TBC1D21: variants seen among roughly 807,000 people sequenced by gnomAD.
TBC1D21 encodes male germ cell Rab GTPase-activating protein.
A neutral mutation model predicts 46.0 loss-of-function variants in TBC1D21; 38 were observed. That is an observed-to-expected ratio of 0.83 (90% CI 0.64 to 1.08). The LOEUF (loss-of-function observed/expected upper bound fraction) is 1.08. TBC1D21 is among the 50% of genes least tolerant of loss of function. TBC1D21 has a pLI of 0.00. For missense variants in TBC1D21, 415 were observed against 417.9 expected, an observed-to-expected ratio of 0.99 and a Z score of 0.06; for synonymous variants, 151 against 157.2, an observed-to-expected ratio of 0.96 and a Z score of 0.29.
chr15:73,886,630 G>A lies in TBC1D21; in HGVS notation c.777+18G>A, dbSNP rs2141579274. 1.2e-6 allele frequency: 2 copies of A among 1,607,810 alleles called. No individual in the cohort carries two copies. Among genetic ancestry groups the A allele is most frequent in the Non-Finnish European group, 1.7e-6 (2 of 1,175,360 alleles). ...TCTGGGAGGTGAGGTGTCCAGCTAG[G>A]GATCATCAGGCTGGGCTCCACCCAT... On this transcript the variant is annotated intron_variant, in intron 8 of 10. Coordinates refer to ENST00000300504, the MANE Select transcript of TBC1D21 (RefSeq NM_153356.3).
intron 1 of TBC1D21, among the ~76,000 whole-genome samples, chr15:73,878,233 A>G (rs945145256): frequency 1.3e-5 from 2 of 152,352 alleles, no homozygotes; most frequent in African/African-American, 4.8e-5. Context: ...TCTCTGTTGC[A>G]ACTACTCAAC....
At chr15:73,895,810 C>T in the TBC1D21 span, among the ~76,000 whole-genome samples, 3 of 152,126 alleles carry the variant, frequency 2.0e-5, no homozygotes, top group Non-Finnish European at 4.4e-5. Flanking sequence ...AGGGATTGTT[C>T]GGACACCTGG....
chr15:73,907,157 T>A, the TBC1D21 span, among the ~76,000 whole-genome samples: 149 of 151,666 alleles, frequency 9.8e-4, 1 homozygote, highest in African/African-American at 3.3e-3. Flanking sequence ...CCTCTTTTTT[T>A]CCCCCAGTCT....
rs749244661 is a variant in TBC1D21, at chr15:73,887,656, G to C, written c.814G>C (p.Val272Leu). 2.0e-5 allele frequency: 32 copies of C among 1,613,982 alleles called. No individual in the cohort carries two copies. Among genetic ancestry groups the C allele is most frequent in the Admixed American group, 1.0e-4 (6 of 59,998 alleles). ...LTGKPCRNFQ[V>L]LVAYSMLQMV... ...GGGGAAGCCCTGCAGGAACTTCCAG[G>C]TGCTGGTGGCCTACAGCATGCTGCA... Residue 272 changes from valine to leucine, a missense_variant, in exon 9 of 11, where the codon GTG (valine) becomes CTG (leucine). Val to Leu is a conservative substitution (Grantham distance 32). Coordinates refer to ENST00000300504, the MANE Select transcript of TBC1D21 (RefSeq NM_153356.3).
chr15:73,889,079 C>T lies in TBC1D21; in HGVS notation c.989C>T (p.Thr330Ile). The change falls in exon 11 of 11, where the codon ACA becomes ATA. Residue 330 changes from threonine to isoleucine, a missense_variant. Thr to Ile is a moderately conservative substitution (Grantham distance 89). Transcript: ENST00000300504. ...AELIQKDVPQTLKDFFL is the reference protein window; with the variant it reads ...AELIQKDVPQILKDFFL ...CTGCCTCCTCCCTAGGTTCCTCAGA[C>T]ATTAAAGGATTTCTTCCTCTGAGGA... The T allele has an allele frequency of 6.2e-7, 1 of 1,613,442 alleles. No individual in the cohort carries two copies. Among genetic ancestry groups the T allele is most frequent in the South Asian group, 1.1e-5 (1 of 90,750 alleles).
At chr15:73,895,530 G>A in the TBC1D21 span, among the ~76,000 whole-genome samples, 2 of 152,216 alleles carry the variant, frequency 1.3e-5, no homozygotes, top group African/African-American at 4.8e-5. Context: ...TAGGGAGTTA[G>A]TAAGAGCCAA....
At chr15:73,887,571 T>C (rs1464361282) in intron 8 of TBC1D21, 49 bp from the exon 9 acceptor site, 1 of 1,540,288 alleles carries the variant, frequency 6.5e-7, no homozygotes, top group Non-Finnish European at 9.0e-7. Flanking sequence ...CCTCAGGGCA[T>C]CTGCAGTCTC....
At chr15:73,903,410 T>G in the TBC1D21 span, among the ~76,000 whole-genome samples, 3 of 152,200 alleles carry the variant, frequency 2.0e-5, no homozygotes, top group East Asian at 5.8e-4. Flanking sequence ...ATGGGACAAG[T>G]CTGAGACCTG....
downstream of TBC1D21, among the ~76,000 whole-genome samples, chr15:73,893,378 C>G (rs1243450386): frequency 1.3e-5 from 2 of 152,176 alleles, no homozygotes. Context: ...TGGAAGCAGC[C>G]AGGCCCCATC....
At chr15:73,873,846 GT>G in intron 1 of TBC1D21, 77 bp downstream of exon 1, 1 of 1,519,612 alleles carries the variant, frequency 6.6e-7, no homozygotes, top group Non-Finnish European at 9.0e-7. Context: ...CCCCTGCTGG[GT>G]AGGAAAAGCT....
the TBC1D21 span, among the ~76,000 whole-genome samples, chr15:73,903,323 G>T: frequency 6.6e-6 from 1 of 152,270 alleles, no homozygotes; most frequent in Non-Finnish European, 1.5e-5. Context: ...ATATCAGGGG[G>T]ATTCACACCC....
At chr15:73,882,977 C>T (rs1364638029) in intron 3 of TBC1D21, among the ~76,000 whole-genome samples, 7 of 152,206 alleles carry the variant, frequency 4.6e-5, no homozygotes, top group Non-Finnish European at 1.5e-5. Context: ...TGTCTTGGGC[C>T]CTCTCCTGAC....
intron 4 of TBC1D21, 83 bp downstream of exon 4, chr15:73,884,328 G>C: frequency 1.6e-6 from 2 of 1,287,068 alleles, no homozygotes; most frequent in Non-Finnish European, 2.3e-6. Flanking sequence ...TTCCAGGGAG[G>C]GATGGCTCCA....
the TBC1D21 span, among the ~76,000 whole-genome samples, chr15:73,895,857 A>G: frequency 6.6e-6 from 1 of 152,128 alleles, no homozygotes; most frequent in Non-Finnish European, 1.5e-5. Flanking sequence ...CTGCGCAAAG[A>G]TGTCTGTCAG....
intron 1 of TBC1D21, among the ~76,000 whole-genome samples, chr15:73,877,689 A>C (rs11072448): frequency 0.53 from 79,933 of 151,980 alleles, 21,316 homozygotes; most frequent in Middle Eastern, 0.64. Flanking sequence ...CAAATAGAAT[A>C]CAACAATGTA....
intron 9 of TBC1D21, 52 bp from the exon 10 acceptor site, chr15:73,888,378 G>A: frequency 4.7e-6 from 7 of 1,495,222 alleles, no homozygotes; most frequent in South Asian, 1.2e-5. Flanking sequence ...CAAGAGTGCT[G>A]GGAGATGTTT....
In TBC1D21 at chr15:73,884,199, T is replaced by A. The variant is rs146151015; in HGVS notation, c.321T>A (p.Leu107=). Residue 107 remains leucine (L), a synonymous_variant, in exon 4 of 11, where the codon CTT becomes CTA. Transcript: ENST00000300504. ...AAATGTATGAGAAGATTCAGCCCCTTCTGGAAAACCTGCACCGGAACTTCA... is the reference window on the plus strand; with the variant it reads ...AAATGTATGAGAAGATTCAGCCCCTACTGGAAAACCTGCACCGGAACTTCA... ...LCQMYEKIQP[L]LENLHRNFTE... is the part of the protein sequence containing the mutation. 80 of 1,614,244 alleles carry A rather than the reference T, an allele frequency of 5.0e-5. No homozygotes were observed. In the East Asian group the frequency reaches 1.8e-3, roughly 36 times the overall value.
chr15:73,888,834 T>C (rs924309543), intron 10 of TBC1D21, among the ~76,000 whole-genome samples: 1 of 152,158 alleles, frequency 6.6e-6, no homozygotes, highest in African/African-American at 2.4e-5. Flanking sequence ...CCACGTTCTC[T>C]ACCACTGACC....
chr15:73,877,514 TA>T (rs541803630), intron 1 of TBC1D21, among the ~76,000 whole-genome samples: 20 of 72,726 alleles, frequency 2.8e-4, no homozygotes, highest in African/African-American at 1.2e-3. Context: ...TCCAGAAAAC[TA>T]AAAAAAAAAA....
Sources: gnomAD v4.1 joint callset for allele counts (sites outside exome capture counted in the v4.1 genomes callset) on GRCh38, gnomAD v4.1.1 for gene constraint, MANE v1.5 for transcripts, NCBI Gene and HGNC (gene_info 2026-07-23, HGNC 2026-07-21) for gene names.